Variants in CYBA observed in about 807,000 individuals in gnomAD.
CYBA encodes cytochrome b-245 light chain.
CYBA carries 21 observed loss-of-function variants against 20.8 expected under a neutral mutation model. The ratio of observed to expected loss-of-function variants is 1.01; its 90% CI spans 0.72 to 1.46. CYBA has a LOEUF of 1.46. Among genes scored for constraint, CYBA ranks in the 40% most tolerant of loss-of-function variants. CYBA has a pLI of 0.00. For missense variants in CYBA, 344 were observed against 287.0 expected (o/e 1.20, Z -1.43); for synonymous variants, 164 against 127.5 (o/e 1.29, Z -1.93).
At chr16:88,646,533 G>A (rs747021732) in intron 4 of CYBA, 10 of 700,292 alleles carry the variant, frequency 1.4e-5, no homozygotes, top group East Asian at 5.4e-5. Context: ...AGACCCTGGC[G>A]ACGGATCGGA....
Position 88,647,066 on chromosome 16 carries a change from C to A in CYBA, c.203+35G>T, listed in dbSNP as rs745343599. On this transcript the variant is annotated intron_variant, in intron 3 of 5. Coordinates refer to ENST00000261623, the MANE Select transcript of CYBA (RefSeq NM_000101.4). ...TGTGAGCCCTGCCTGGGCCCCGCAGCCCCCGGAGAGACCCCAGAGCAGGAG... is the reference window on the plus strand; with the variant it reads ...TGTGAGCCCTGCCTGGGCCCCGCAGACCCCGGAGAGACCCCAGAGCAGGAG... 3.8e-6 allele frequency: 6 copies of A among 1,588,398 alleles called. No homozygotes were observed. The Admixed American group carries it at 6.8e-5, about 18-fold the overall frequency.
chr16:88,648,595 G>A (rs1380500718), intron 1 of CYBA, among the ~76,000 whole-genome samples: 1 of 151,448 alleles, frequency 6.6e-6, no homozygotes, highest in Admixed American at 6.6e-5. Flanking sequence ...TTTTGGGGGG[G>A]TATTGTCCAA....
At position 88,646,317 on chromosome 16, in the gene CYBA, G is replaced by A. The variant is rs935183823; in HGVS notation, c.288-120C>T. On this transcript the variant is annotated intron_variant, in intron 4 of 5. Transcript: ENST00000261623. Reference sequence around the variant, plus strand: ...GACAAGGCAGACTGCAGACCCAGGGGACGTGCGCGGACCGGGGCTTGTTTC... The same window carrying A: ...GACAAGGCAGACTGCAGACCCAGGGAACGTGCGCGGACCGGGGCTTGTTTC... 3 of 817,206 alleles carry A rather than the reference G, an allele frequency of 3.7e-6. No homozygotes were observed. The Admixed American group carries it at 7.0e-5, about 19-fold the overall frequency. The allele number at this position is 817,206 out of a possible 1,614,324, so 50.6% of individuals were successfully genotyped here. A position where few individuals can be genotyped will look rare whatever the true frequency, so the allele number is the denominator to read the frequency against.
chr16:88,647,170 G>T lies in CYBA; in HGVS notation c.134C>A (p.Ala45Glu). ...CTCCAGCAGGCACACAAACACGCCCGCCACACTGAAGCCATGTGGTTAAGG... is the reference window on the plus strand; with the variant it reads ...CTCCAGCAGGCACACAAACACGCCCTCCACACTGAAGCCATGTGGTTAAGG... ...QWYFGAYSIV[A>E]GVFVCLLEYP... The change falls in exon 3 of 6, where the codon GCG becomes GAG. Residue 45 changes from alanine (A) to glutamate (E), a missense_variant. Transcript: ENST00000261623. The T allele has an allele frequency of 2.5e-6, 4 of 1,612,008 alleles. No homozygotes were observed. Among genetic ancestry groups the T allele is most frequent in the Non-Finnish European group, 3.4e-6 (4 of 1,179,844 alleles).
intron 2 of CYBA, 95 bp from the exon 3 acceptor site, chr16:88,647,270 G>T: frequency 8.2e-7 from 1 of 1,212,906 alleles, no homozygotes; most frequent in Non-Finnish European, 1.2e-6. Flanking sequence ...GCCCGAGCAC[G>T]GTGGCTCATG....
Position 88,643,607 on chromosome 16 carries a change from G to GCCCACCCCCCCCCCCCCCCCCCCCCC in CYBA, c.370-37_370-36insGGGGGGGGGGGGGGGGGGGGGGTGGG. The GCCCACCCCCCCCCCCCCCCCCCCCCC allele has an allele frequency of 6.6e-7, 1 of 1,509,626 alleles. No homozygotes were observed. Among genetic ancestry groups the GCCCACCCCCCCCCCCCCCCCCCCCCC allele is most frequent in the Admixed American group, 2.0e-5 (1 of 50,276 alleles). The allele number at this position is 1,509,626 out of a possible 1,614,324, so 93.5% of individuals were successfully genotyped here. ...CTGAAGGGTTGAGCCGCGCCCCAGC[G>GCCCACCCCCCCCCCCCCCCCCCCCCC]CCCGCCCTCCCTCCCTCCCTCCCTC... On this transcript the variant is annotated intron_variant, in intron 5 of 5. Transcript: ENST00000261623. This position sits in a 1 kb window ranked among gnomAD's most constrained non-coding sequence, Gnocchi z 4.3.
chr16:88,650,110 C>T, intron 1 of CYBA: 1 of 332,582 alleles, frequency 3.0e-6, no homozygotes, highest in South Asian at 2.3e-5. Context: ...GCTCAGAGCC[C>T]CAGGGGAGTG....
intron 1 of CYBA, among the ~76,000 whole-genome samples, chr16:88,649,514 T>C (rs545045026): frequency 7.5e-4 from 114 of 152,310 alleles, no homozygotes; most frequent in Non-Finnish European, 7.6e-4. Context: ...ACCTGCTGTG[T>C]ACAGGGGGGA....
intron 4 of CYBA, 61 bp downstream of exon 4, chr16:88,646,694 G>T: frequency 6.8e-7 from 1 of 1,465,458 alleles, no homozygotes. Flanking sequence ...CGGTGGGACA[G>T]TGGGGAGGGT....
At chr16:88,644,836 A>C in intron 5 of CYBA, 1 of 346,332 alleles carries the variant, frequency 2.9e-6, no homozygotes, top group African/African-American at 2.1e-5. Context: ...AAAAAAAAAG[A>C]AGAAAAAGAA....
At position 88,648,108 on chromosome 16, in the gene CYBA, A is replaced by G; in HGVS notation, c.65T>C (p.Ile22Thr). The G allele has an allele frequency of 6.2e-7, 1 of 1,611,878 alleles. No homozygotes were observed. The highest frequency in any genetic ancestry group is 1.3e-5 in the African/African-American group (1 of 75,034). ...EQALASGLILITGGIVATAGR... is the reference protein window; with the variant it reads ...EQALASGLILTTGGIVATAGR... ...AGCTGTGGCCACGATGCCCCCGGTG[A>G]TGAGGACTGCGGGGAGAAGTGGGTC... The change falls in exon 2 of 6, where the codon ATC (isoleucine) becomes ACC (threonine). Residue 22 changes from isoleucine (I) to threonine (T), a missense_variant. Physicochemically the swap from Ile to Thr is moderately conservative, Grantham distance 89. Transcript: ENST00000261623.
At chr16:88,647,628 G>A (rs1220602611) in intron 2 of CYBA, 4 of 370,340 alleles carry the variant, frequency 1.1e-5, no homozygotes, top group East Asian at 1.3e-4. Flanking sequence ...GGCTGCCCAC[G>A]CCCTCCCTCC....
In CYBA at chr16:88,651,046, C is replaced by G. The variant is rs750384376; in HGVS notation, c.-33G>C. ...CGAACCCGGCTGGGACACTGCTAGG[C>G]GCGCACTGCCGCCCCTGCGCTCCCG... On this transcript the variant is annotated 5_prime_UTR_variant, in exon 1 of 6. Transcript: ENST00000261623. 6 of 1,566,282 alleles carry G rather than the reference C, an allele frequency of 3.8e-6. No homozygotes were observed. Among genetic ancestry groups the G allele is most frequent in the Non-Finnish European group, 5.2e-6 (6 of 1,159,526 alleles).
At position 88,643,505 on chromosome 16, in the gene CYBA, C is replaced by G. The variant is rs1230555610; in HGVS notation, c.436G>C (p.Gly146Arg). The change falls in exon 6 of 6, where the codon GGC becomes CGC. Residue 146 changes from glycine (G) to arginine (R), a missense_variant. Gly to Arg is a moderately radical substitution (Grantham distance 125, BLOSUM62 -2). Coordinates refer to ENST00000261623, the MANE Select transcript of CYBA (RefSeq NM_000101.4). The surrounding 1 kb of genome is among the most constrained non-coding windows in gnomAD (Gnocchi z 4.3). ...PKPRERPQIG[G>R]TIKQPPSNPP... ...TTGCTGGGCGGCTGCTTGATGGTGC[C>G]TCCGATCTGCGGCCGCTCCCGGGGC... 6.5e-7 allele frequency: 1 copy of G among 1,534,480 alleles called. No homozygotes were observed.
chr16:88,646,740 G>A lies in CYBA; in HGVS notation c.287+15C>T, dbSNP rs530322915. 21 of 1,610,448 alleles carry A rather than the reference G, an allele frequency of 1.3e-5. No homozygotes were observed. Among genetic ancestry groups the A allele is most frequent in the African/African-American group, 6.7e-5 (5 of 74,954 alleles). The stretch of plus-strand genomic sequence containing the variant: ...CCCTCCTGAGCCCTAGAGGGGGTGC[G>A]GGACGGGGACTCACAGGAGATGCAG... On this transcript the variant is annotated intron_variant, in intron 4 of 5. Transcript: ENST00000261623.
rs774198897 is a variant in CYBA, at chr16:88,646,750, C to A, written c.287+5G>T. The A allele has an allele frequency of 6.2e-7, 1 of 1,612,776 alleles. No homozygotes were observed. The highest frequency in any genetic ancestry group is 1.1e-5 in the South Asian group (1 of 91,058). ...CCCTAGAGGGGGTGCGGGACGGGGACTCACAGGAGATGCAGGACGGCCCGA... is the reference window on the plus strand; with the variant it reads ...CCCTAGAGGGGGTGCGGGACGGGGAATCACAGGAGATGCAGGACGGCCCGA... On this transcript the variant is annotated splice_donor_5th_base_variant and intron_variant, in intron 4 of 5. Coordinates refer to ENST00000261623, the MANE Select transcript of CYBA (RefSeq NM_000101.4).
intron 5 of CYBA, chr16:88,645,681 A>T (rs1907251031): frequency 1.8e-6 from 1 of 568,252 alleles, no homozygotes; most frequent in Non-Finnish European, 3.2e-6. Context: ...AGGTGTCGGC[A>T]GTTTAAGAAA....
chr16:88,645,980 A>G lies in CYBA; in HGVS notation c.369+136T>C, dbSNP rs978122906. On this transcript the variant is annotated intron_variant, in intron 5 of 5. Transcript: ENST00000261623. ...TGCGTCCCCGCCGTGCTGTGAGCACACGCCCAGGCTCACACTTGCTCCCAG... is the reference window on the plus strand; with the variant it reads ...TGCGTCCCCGCCGTGCTGTGAGCACGCGCCCAGGCTCACACTTGCTCCCAG... 3 of 742,138 alleles carry G rather than the reference A, an allele frequency of 4.0e-6. No individual in the cohort carries two copies. The African/African-American group carries it at 5.2e-5, about 13-fold the overall frequency. 46.0% of individuals were successfully genotyped at this position (742,138 alleles called of 1,614,324 possible).
At chr16:88,647,770 A>G in intron 2 of CYBA, 1 of 554,642 alleles carries the variant, frequency 1.8e-6, no homozygotes, top group Non-Finnish European at 3.3e-6. Context: ...CAGCAGTCCA[A>G]CAGGGAGGCC....
Sources: allele counts gnomAD v4.1 joint callset (sites outside exome capture counted in the v4.1 genomes callset), GRCh38; gene constraint gnomAD v4.1.1; non-coding constraint Gnocchi (gnomAD v3.1); transcripts MANE v1.5; gene names NCBI Gene and HGNC (gene_info 2026-07-23, HGNC 2026-07-21).